The following DLG1 variants were observed in gnomAD, a reference collection of about 807,000 sequenced individuals.
DLG1 encodes disks large homolog 1.
In DLG1, 42 loss-of-function variants were observed where a neutral mutation model predicts 123.4. That is an observed-to-expected ratio of 0.34 (90% confidence interval 0.27 to 0.44). The LOEUF (loss-of-function observed/expected upper bound fraction) is 0.44. Among genes scored for constraint, DLG1 ranks in the 20% least tolerant of loss-of-function variants. The pLI is 1.00. For missense variants in DLG1, 942 were observed against 1,082.6 expected (o/e 0.87, Z 1.82); for synonymous variants, 317 against 356.2 (o/e 0.89, Z 1.24).
chr3:197,050,867 A>G (rs2148702560), intron 24 of DLG1, among the ~76,000 whole-genome samples: 1 of 152,384 alleles, frequency 6.6e-6, no homozygotes, highest in South Asian at 2.1e-4. Context: ...TACAATGTAC[A>G]CATTTATCAA....
chr3:197,101,080 CT>C (rs954070860), intron 14 of DLG1, among the ~76,000 whole-genome samples: 4 of 152,116 alleles, frequency 2.6e-5, no homozygotes, highest in Non-Finnish European at 4.4e-5. Context: ...ATACAAGAAA[CT>C]TTTTTTCCAT....
At chr3:197,171,307 T>C (rs1402570787) in intron 5 of DLG1, among the ~76,000 whole-genome samples, 1 of 152,204 alleles carries the variant, frequency 6.6e-6, no homozygotes, top group Non-Finnish European at 1.5e-5. Flanking sequence ...ATGGTTTAAA[T>C]CTGTTTTTTT....
intron 4 of DLG1, among the ~76,000 whole-genome samples, chr3:197,220,282 A>G (rs1736282172): frequency 6.6e-6 from 1 of 152,234 alleles, no homozygotes; most frequent in African/African-American, 2.4e-5. Flanking sequence ...TCAATGTTAT[A>G]TATTTAAACC....
At chr3:197,273,057 C>T (rs1764586719) in intron 4 of DLG1, among the ~76,000 whole-genome samples, 1 of 152,034 alleles carries the variant, frequency 6.6e-6, no homozygotes, top group Non-Finnish European at 1.5e-5. Flanking sequence ...CTGGTATATT[C>T]ACAATGCAGT....
At chr3:197,146,545 G>T (rs189006711) in intron 6 of DLG1, among the ~76,000 whole-genome samples, 1 of 152,282 alleles carries the variant, frequency 6.6e-6, no homozygotes, top group African/African-American at 2.4e-5. Context: ...AACATAAAGT[G>T]GGGAAAGGAC....
chr3:197,288,386 A>T (rs1772932787), intron 3 of DLG1, among the ~76,000 whole-genome samples: 1 of 150,536 alleles, frequency 6.6e-6, no homozygotes, highest in East Asian at 1.9e-4. Flanking sequence ...AAAAAAAGAA[A>T]AGAAAAGGAA....
At chr3:197,163,461 C>T (rs1799663043) in intron 5 of DLG1, among the ~76,000 whole-genome samples, 1 of 151,976 alleles carries the variant, frequency 6.6e-6, no homozygotes, top group Admixed American at 6.5e-5. Flanking sequence ...CGGAAAGAAA[C>T]CACGTGTCTA....
At chr3:197,205,247 T>C (rs1488442481) in intron 4 of DLG1, among the ~76,000 whole-genome samples, 1 of 151,994 alleles carries the variant, frequency 6.6e-6, no homozygotes, top group East Asian at 1.9e-4. Flanking sequence ...TATAGGAAGA[T>C]ATAAATTTCC....
chr3:197,277,253 T>C (rs994252942), intron 4 of DLG1, among the ~76,000 whole-genome samples: 2 of 151,834 alleles, frequency 1.3e-5, no homozygotes, highest in South Asian at 2.1e-4. Flanking sequence ...CTAGTTGAAA[T>C]GTATTGTGAT....
Position 197,183,853 on chromosome 3 carries a change from C to T in DLG1, c.483+10572G>A, listed in dbSNP as rs1714124474. On this transcript the variant is annotated intron_variant, in intron 5 of 24. Transcript: ENST00000667157. ...GTTGCCAAGCAGGCTTACTTCTCTA[C>T]CAGCTGCTGAGTGGTGAATGATCGG... The T allele has an allele frequency of 4.6e-6, 7 of 1,534,406 alleles. No homozygotes were observed. The East Asian group carries it at 1.5e-4, about 32-fold the overall frequency.
chr3:197,295,376 G>A (rs982852959), intron 3 of DLG1, among the ~76,000 whole-genome samples: 1 of 151,840 alleles, frequency 6.6e-6, no homozygotes, highest in African/African-American at 2.4e-5. Context: ...TCTATCAACA[G>A]ATAGATGTAA....
At chr3:197,089,914 T>C (rs1053759334) in intron 15 of DLG1, among the ~76,000 whole-genome samples, 4 of 152,142 alleles carry the variant, frequency 2.6e-5, no homozygotes, top group Non-Finnish European at 5.9e-5. Context: ...AAGTACCAAG[T>C]ACAGCAAAAG....
intron 14 of DLG1, among the ~76,000 whole-genome samples, chr3:197,099,598 G>A (rs182455483): frequency 1.3e-5 from 2 of 152,210 alleles, no homozygotes; most frequent in East Asian, 3.9e-4. Flanking sequence ...TTTAAAAGCT[G>A]ATTTTTTCAT....
intron 4 of DLG1, among the ~76,000 whole-genome samples, chr3:197,272,108 G>C (rs1764150011): frequency 6.6e-6 from 1 of 152,170 alleles, no homozygotes; most frequent in Admixed American, 6.5e-5. Context: ...GCAACTCTTT[G>C]CAACACACTC....
chr3:197,187,046 T>C (rs188644169), intron 5 of DLG1, among the ~76,000 whole-genome samples: 42 of 152,328 alleles, frequency 2.8e-4, no homozygotes, highest in African/African-American at 9.6e-4. Flanking sequence ...CTATTAAATT[T>C]CAAAACATAC....
intron 11 of DLG1, 135 bp downstream of exon 11, chr3:197,130,392 G>C (rs1781895188): frequency 2.5e-6 from 2 of 785,514 alleles, no homozygotes; most frequent in Non-Finnish European, 3.5e-6. Flanking sequence ...AAAATGAGTA[G>C]ATTAACATGC....
chr3:197,262,088 C>T (rs1759684918), intron 4 of DLG1, among the ~76,000 whole-genome samples: 1 of 152,134 alleles, frequency 6.6e-6, no homozygotes, highest in African/African-American at 2.4e-5. Flanking sequence ...TCATGACAAG[C>T]CCTTTGGATC....
chr3:197,080,977 T>C (rs1285176005), intron 17 of DLG1, 74 bp downstream of exon 17: 1 of 1,375,882 alleles, frequency 7.3e-7, no homozygotes, highest in African/African-American at 1.4e-5. Flanking sequence ...ATAATTCTGA[T>C]AGCAAAATCC....
Position 197,076,665 on chromosome 3 carries a change from A to T in DLG1, c.1926T>A (p.Arg642=). 1 of 1,612,758 alleles carries T rather than the reference A, an allele frequency of 6.2e-7. No homozygotes were observed. Among genetic ancestry groups the T allele is most frequent in the East Asian group, 2.2e-5 (1 of 44,786 alleles). ...RDKGQSFNDK[R]KKNLFSRKFP... ...ATTTTCGGGAAAAGAGGTTCTTTTT[A>T]CGCTTGTCATTGAATGACTGCTGAA... Residue 642 remains arginine, a synonymous_variant, in exon 18 of 25, where the codon CGT becomes CGA. Transcript: ENST00000667157.
Sources: gnomAD v4.1 joint callset for allele counts (sites outside exome capture counted in the v4.1 genomes callset) on GRCh38, gnomAD v4.1.1 for gene constraint, MANE v1.5 for transcripts, NCBI Gene and HGNC (gene_info 2026-07-23, HGNC 2026-07-21) for gene names.